PRKG1: variants seen among roughly 807,000 people sequenced by gnomAD.
PRKG1 encodes the protein protein kinase cGMP-dependent 1.
A neutral mutation model predicts 88.1 loss-of-function variants in PRKG1; 35 were observed. The ratio of observed to expected loss-of-function variants is 0.40; its 90% CI spans 0.30 to 0.53. PRKG1 has a LOEUF of 0.53. Ranked by LOEUF, PRKG1 falls within the 20% of genes least tolerant of loss-of-function variation. PRKG1 has a pLI of 0.59. For missense variants in PRKG1, 540 were observed against 839.8 expected (o/e 0.64, Z 4.41); for synonymous variants, 303 against 292.5 (o/e 1.04, Z -0.37).
chr10:51,721,759 C>G (rs983260860), intron 3 of PRKG1, among the ~76,000 whole-genome samples: 3 of 140,876 alleles, frequency 2.1e-5, no homozygotes, highest in African/African-American at 7.8e-5. Context: ...TTTTCATGTT[C>G]CTGTGTGAAA....
intron 9 of PRKG1, among the ~76,000 whole-genome samples, chr10:52,210,320 T>A (rs1839934953): frequency 6.6e-6 from 1 of 151,880 alleles, no homozygotes; most frequent in Non-Finnish European, 1.5e-5. Flanking sequence ...AGATCTTATT[T>A]TAGTTTCTCA....
At chr10:52,092,282 C>T (rs1029459896) in intron 7 of PRKG1, among the ~76,000 whole-genome samples, 2 of 152,110 alleles carry the variant, frequency 1.3e-5, no homozygotes, top group African/African-American at 2.4e-5. Flanking sequence ...AAGTAACAGC[C>T]TACCGACATA....
intron 9 of PRKG1, among the ~76,000 whole-genome samples, chr10:52,191,736 A>G (rs2879645): frequency 1 from 151,700 of 152,310 alleles, 75,548 homozygotes; most frequent in Middle Eastern, 1. Context: ...GAATTAAGAG[A>G]TAACAATGTA....
chr10:52,180,512 A>T (rs539126606), intron 9 of PRKG1, among the ~76,000 whole-genome samples: 1 of 152,160 alleles, frequency 6.6e-6, no homozygotes, highest in African/African-American at 2.4e-5. Flanking sequence ...TTCCAATTTT[A>T]TTGTATAGGT....
intron 5 of PRKG1, among the ~76,000 whole-genome samples, chr10:52,040,511 T>A (rs1454424927): frequency 6.6e-6 from 1 of 152,242 alleles, no homozygotes; most frequent in Admixed American, 6.5e-5. Flanking sequence ...TGAATAGGTC[T>A]GAAATGAACT....
intron 2 of PRKG1, among the ~76,000 whole-genome samples, chr10:51,459,188 C>T (rs534782856): frequency 6.6e-6 from 1 of 152,194 alleles, no homozygotes; most frequent in Non-Finnish European, 1.5e-5. Flanking sequence ...GTAGATCTTC[C>T]CTCAAGCTTT....
At chr10:51,384,244 T>C (rs1336556216) in intron 2 of PRKG1, among the ~76,000 whole-genome samples, 2 of 152,174 alleles carry the variant, frequency 1.3e-5, no homozygotes, top group African/African-American at 4.8e-5. Flanking sequence ...ATTCTAAAAT[T>C]CCAAATATAT....
At chr10:51,034,669 TATATATA>T (rs535491758) in intron 1 of PRKG1, among the ~76,000 whole-genome samples, 486 of 29,214 alleles carry the variant, frequency 0.017, 27 homozygotes, top group East Asian at 0.031. Flanking sequence ...ATATGTTATT[TATATATA>T]TATATATATA....
intron 2 of PRKG1, among the ~76,000 whole-genome samples, chr10:51,385,924 A>G (rs59261582): frequency 0.019 from 2,853 of 152,314 alleles, 88 homozygotes; most frequent in African/African-American, 0.064. Context: ...TATATACAAA[A>G]GAGGTTGCAC....
chr10:52,290,127 C>A, intron 16 of PRKG1, 97 bp from the exon 17 acceptor site: 1 of 902,786 alleles, frequency 1.1e-6, no homozygotes, highest in Non-Finnish European at 1.7e-6. Context: ...AAATGTTTGC[C>A]TAACTGCTTC....
chr10:51,571,305 A>G (rs1307316288), intron 3 of PRKG1, among the ~76,000 whole-genome samples: 1 of 151,888 alleles, frequency 6.6e-6, no homozygotes, highest in Non-Finnish European at 1.5e-5. Context: ...TTAGTAGACA[A>G]ATCCTATGTT....
chr10:52,110,223 C>T (rs961338774), intron 7 of PRKG1, among the ~76,000 whole-genome samples: 1 of 151,842 alleles, frequency 6.6e-6, no homozygotes, highest in Non-Finnish European at 1.5e-5. Context: ...TGGCGGGTGC[C>T]TGTAGTCCCA....
chr10:51,136,026 G>A (rs1228634336), intron 1 of PRKG1, among the ~76,000 whole-genome samples: 3 of 151,134 alleles, frequency 2.0e-5, no homozygotes, highest in African/African-American at 4.9e-5. Context: ...TAAATGACGA[G>A]TTAATGGGTG....
At position 51,143,516 on chromosome 10, in the gene PRKG1, A is replaced by C. The variant is rs144730065; in HGVS notation, c.312-9648A>C. The stretch of plus-strand genomic sequence containing the variant: ...ATACCCAGTAGTGGGATAACATGGT[A>C]GTTCTATTTTTAATTTTTTGAGGAA... On this transcript the variant is annotated intron_variant, in intron 1 of 17. Transcript: ENST00000373980. 4.6e-5 allele frequency among the ~76,000 whole-genome samples: 7 copies of C among 152,120 alleles called. No individual in the cohort carries two copies. The East Asian group carries it at 1.2e-3, about 25-fold the overall frequency.
chr10:51,718,277 A>AAG (rs1161107634), intron 3 of PRKG1, among the ~76,000 whole-genome samples: 6 of 152,216 alleles, frequency 3.9e-5, no homozygotes, highest in African/African-American at 1.4e-4. Flanking sequence ...AACCAGAAAT[A>AAG]AGAGTATTCC....
intron 1 of PRKG1, among the ~76,000 whole-genome samples, chr10:51,086,596 GT>G (rs1215786341): frequency 6.6e-6 from 1 of 152,146 alleles, no homozygotes; most frequent in African/African-American, 2.4e-5. Flanking sequence ...AACCACGATA[GT>G]TTAAGCAACT....
chr10:51,410,270 A>ATGTGTG (rs71459418), intron 2 of PRKG1, among the ~76,000 whole-genome samples: 1,656 of 146,860 alleles, frequency 0.011, 17 homozygotes, highest in Middle Eastern at 0.024. Flanking sequence ...ATATATATAT[A>ATGTGTG]TGTGTGTGTG....
chr10:51,301,437 G>A (rs1453970205), intron 2 of PRKG1, among the ~76,000 whole-genome samples: 1 of 151,200 alleles, frequency 6.6e-6, no homozygotes, highest in Non-Finnish European at 1.5e-5. Context: ...TATTTCTGAA[G>A]TAGGGGAAAA....
rs1054532751 is a variant in PRKG1, at chr10:51,758,846, T to TC, written c.593-45732dup. 1.1e-4 allele frequency among the ~76,000 whole-genome samples: 15 copies of TC among 141,556 alleles called. No individual in the cohort carries two copies. The South Asian group carries it at 2.0e-3, about 19-fold the overall frequency. The allele number at this position is 141,556 out of a possible 152,430, so 92.9% of individuals were successfully genotyped here. A position where few individuals can be genotyped will look rare whatever the true frequency, so the allele number is the denominator to read the frequency against. Reference sequence around the variant, plus strand: ...TTTTTCCTAATGCTCTCCCTCCTCTTCCCCCCCACCCCCCGACAGGGCCCA... The same window carrying TC: ...TTTTTCCTAATGCTCTCCCTCCTCTTCCCCCCCCACCCCCCGACAGGGCCCA... On this transcript the variant is annotated intron_variant, in intron 3 of 17. Transcript: ENST00000373980.
Sources: gnomAD v4.1 joint callset for allele counts (sites outside exome capture counted in the v4.1 genomes callset) on GRCh38, gnomAD v4.1.1 for gene constraint, MANE v1.5 for transcripts, NCBI Gene and HGNC (gene_info 2026-07-23, HGNC 2026-07-21) for gene names.